Variants in COMMD4 observed in about 807,000 individuals in gnomAD.
The protein encoded by COMMD4 is COMM domain containing 4.
A neutral mutation model predicts 27.5 loss-of-function variants in COMMD4; 18 were observed. The ratio of observed to expected loss-of-function variants is 0.65; its 90% CI spans 0.45 to 0.97. The LOEUF is 0.97. Among genes scored for constraint, COMMD4 ranks in the 50% least tolerant of loss-of-function variants. The pLI is 0.00. For missense variants in COMMD4, 243 were observed against 250.0 expected (o/e 0.97, Z 0.19); for synonymous variants, 108 against 108.4 (o/e 1.00, Z 0.02).
rs143588533 is a variant in COMMD4 at position 75,338,221 on chromosome 15, C to T, written c.75+88C>T. On this transcript the variant is annotated intron_variant, in intron 2 of 7. Transcript: ENST00000267935. ...AGAGGATGGTGAGGTTTCTCTGGGG[C>T]TAGGGCCTCAGTGCTCTCAGCCTGT... 361,292 of 1,518,674 alleles carry T rather than the reference C, an allele frequency of 0.24. 47,261 individuals are homozygous for T. Among genetic ancestry groups the T allele is most frequent in the Non-Finnish European group, 0.27 (299,616 of 1,115,250 alleles). The allele number at this position is 1,518,674 out of a possible 1,614,324, so 94.1% of individuals were successfully genotyped here.
Position 75,337,923 on chromosome 15 carries a change from G to A in COMMD4, c.4-139G>A, listed in dbSNP as rs1393319906. On this transcript the variant is annotated intron_variant, in intron 1 of 7. Transcript: ENST00000267935. The stretch of plus-strand genomic sequence containing the variant: ...AGTTTACTCAACAGCCTGGTGATAG[G>A]GGAGAACAAGAGGCCAGAGGGTATC... 237 of 817,172 alleles carry A rather than the reference G, an allele frequency of 2.9e-4. No homozygotes were observed. In the East Asian group the frequency reaches 5.7e-3, roughly 20 times the overall value. The allele number at this position is 817,172 out of a possible 1,614,324, so 50.6% of individuals were successfully genotyped here.
In COMMD4 at chr15:75,338,609, G is replaced by A. The variant is rs559376150; in HGVS notation, c.142-37G>A. On this transcript the variant is annotated intron_variant, in intron 3 of 7. Coordinates refer to ENST00000267935, the MANE Select transcript of COMMD4 (RefSeq NM_017828.5). ...CTGGGGGTGAGGGGCTGGTGAGCAG[G>A]GGCCTGGCACCCCCTGAAGGTCTCC... 3.7e-6 allele frequency: 6 copies of A among 1,612,334 alleles called. No homozygotes were observed. The South Asian group carries it at 6.6e-5, about 18-fold the overall frequency.
chr15:75,338,169 G>T, intron 2 of COMMD4, 36 bp downstream of exon 2: 3 of 1,564,728 alleles, frequency 1.9e-6, no homozygotes, highest in Non-Finnish European at 2.6e-6. Flanking sequence ...GTGGAGGAGG[G>T]GTGTTGGGGG....
intron 6 of COMMD4, 82 bp downstream of exon 6, chr15:75,339,426 C>T (rs111381127): frequency 1.8e-5 from 28 of 1,552,452 alleles, no homozygotes; most frequent in Middle Eastern, 2.3e-4. Context: ...TCCAGGGAGA[C>T]GACTTAACCA....
At chr15:75,340,396 A>G (rs2071415614), downstream of COMMD4, 1 of 198,026 alleles carries the variant, frequency 5.0e-6, no homozygotes, top group African/African-American at 2.3e-5. Context: ...GAGGGAGGTC[A>G]TAGGTAAGGC....
downstream of COMMD4, chr15:75,343,188 A>ATTAT (rs1167977133): frequency 6.6e-6 from 1 of 152,212 alleles, no homozygotes; most frequent in Non-Finnish European, 1.5e-5. Context: ...TTATACAATT[A>ATTAT]TTATTTGTCA....
rs1381920554 is a variant in COMMD4, at chr15:75,338,694, C to T, written c.181+9C>T. ...GGCTGACGCCAAGTTTGGTGAGTAT[C>T]CCGCTGAGTCTATAGGCCCCAGGCA... is the stretch of plus-strand genomic sequence containing the variant. On this transcript the variant is annotated intron_variant, in intron 4 of 7. Transcript: ENST00000267935. 12 of 1,613,164 alleles carry T rather than the reference C, an allele frequency of 7.4e-6. 1 individual carries two copies. In the South Asian group the frequency reaches 1.2e-4, roughly 16 times the overall value.
chr15:75,339,747 G>T lies in COMMD4; in HGVS notation c.428G>T (p.Ser143Ile), dbSNP rs761181026. 1.2e-6 allele frequency: 2 copies of T among 1,612,734 alleles called. No individual in the cohort carries two copies. The highest frequency in any genetic ancestry group is 1.3e-5 in the African/African-American group (1 of 74,930). ...GGCTGGCGGGTGGACTACACCCTGA[G>T]CTCCAGCCTGCTGCAATCCGTGGAA... ...GVGWRVDYTL[S>I]SSLLQSVEEP... Residue 143 changes from serine to isoleucine, a missense_variant, in exon 7 of 8, where the codon AGC becomes ATC. By Grantham distance (142) the Ser-to-Ile change is moderately radical (BLOSUM62 -2). Coordinates refer to ENST00000267935, the MANE Select transcript of COMMD4 (RefSeq NM_017828.5).
chr15:75,336,484 A>C, intron 1 of COMMD4: 1 of 499,700 alleles, frequency 2.0e-6, no homozygotes, highest in Non-Finnish European at 3.5e-6. Flanking sequence ...AGGTGCTTAG[A>C]ATCAGGCTCA....
chr15:75,338,097 C>A lies in COMMD4; in HGVS notation c.39C>A (p.Asp13Glu). The A allele has an allele frequency of 6.2e-7, 1 of 1,608,882 alleles. No homozygotes were observed. Among genetic ancestry groups the A allele is most frequent in the Non-Finnish European group, 8.5e-7 (1 of 1,177,558 alleles). ...TCTGTGGTGATCTGGACTGTCCCGACTGGGTCCTGGCAGAAATCAGCACGC... is the reference window on the plus strand; with the variant it reads ...TCTGTGGTGATCTGGACTGTCCCGAATGGGTCCTGGCAGAAATCAGCACGC... ...FRFCGDLDCP[D>E]WVLAEISTLA... The change falls in exon 2 of 8, where the codon GAC (aspartate) becomes GAA (glutamate). Residue 13 changes from aspartate to glutamate, a missense_variant. Asp to Glu is a conservative substitution (Grantham distance 45, BLOSUM62 2). Coordinates refer to ENST00000267935, the MANE Select transcript of COMMD4 (RefSeq NM_017828.5).
chr15:75,339,759 T>A lies in COMMD4; in HGVS notation c.440T>A (p.Leu147Gln). 6.2e-7 allele frequency: 1 copy of A among 1,613,910 alleles called. No individual in the cohort carries two copies. The highest frequency in any genetic ancestry group is 8.5e-7 in the Non-Finnish European group (1 of 1,179,888). Reference protein sequence around the residue: ...RVDYTLSSSLLQSVEEPMVHL... With the variant: ...RVDYTLSSSLQQSVEEPMVHL... ...GACTACACCCTGAGCTCCAGCCTGC[T>A]GCAATCCGTGGAAGAGCCCATGGTG... Residue 147 changes from leucine to glutamine, a missense_variant, in exon 7 of 8, where the codon CTG becomes CAG. Leu to Gln is a moderately radical substitution (Grantham distance 113). Transcript: ENST00000267935.
At chr15:75,337,139 T>C (rs1469393497) in intron 1 of COMMD4, 1 of 152,292 alleles carries the variant, frequency 6.6e-6, no homozygotes, top group Non-Finnish European at 1.5e-5. Flanking sequence ...ATGCCTGTAA[T>C]CCTAGCACTT....
At chr15:75,339,489 T>C (rs535935519) in intron 6 of COMMD4, 145 bp downstream of exon 6, 1 of 1,329,976 alleles carries the variant, frequency 7.5e-7, no homozygotes, top group Non-Finnish European at 1.0e-6. Flanking sequence ...CTGGGTCTCC[T>C]GACTCCCCAC....
At chr15:75,336,133 C>G (rs1187463766) in intron 1 of COMMD4, 41 bp downstream of exon 1, 3 of 1,549,574 alleles carry the variant, frequency 1.9e-6, no homozygotes, top group Non-Finnish European at 2.6e-6. Flanking sequence ...GCTGCTGGAG[C>G]GGGAATGAGG....
In COMMD4 at chr15:75,340,262, A is replaced by C. The variant is rs948514599; in HGVS notation, c.*257A>C. 1.8e-6 allele frequency: 1 copy of C among 561,266 alleles called. No homozygotes were observed. Among genetic ancestry groups the C allele is most frequent in the Admixed American group, 3.0e-5 (1 of 33,106 alleles). 34.8% of individuals were successfully genotyped at this position (561,266 alleles called of 1,614,324 possible). ...TTCATAAGCAGGAAAAATAAACAGA[A>C]GTATAAAGGAATGTGTGCAGGGGGT... is the stretch of plus-strand genomic sequence containing the variant. On this transcript the variant is annotated 3_prime_UTR_variant, in exon 8 of 8. Coordinates refer to ENST00000267935, the MANE Select transcript of COMMD4 (RefSeq NM_017828.5).
intron 5 of COMMD4, 34 bp downstream of exon 5, chr15:75,339,138 T>TG (rs780416198): frequency 1.1e-5 from 18 of 1,612,620 alleles, no homozygotes; most frequent in Middle Eastern, 2.1e-4. Flanking sequence ...GGGCAGCCTG[T>TG]GGGCCAAGGG....
chr15:75,339,452 T>G, intron 6 of COMMD4, 108 bp downstream of exon 6: 1 of 1,479,440 alleles, frequency 6.8e-7, no homozygotes, highest in South Asian at 1.2e-5. Context: ...ACATGGTTAC[T>G]AGCAGCCGTA....
chr15:75,336,323 G>T, intron 1 of COMMD4: 1 of 1,398,904 alleles, frequency 7.1e-7, no homozygotes, highest in African/African-American at 1.4e-5. Flanking sequence ...TAGAGTCCCG[G>T]TGCTTCCCTG....
chr15:75,340,248 G>A lies in COMMD4; in HGVS notation c.*243G>A. 1 of 571,196 alleles carries A rather than the reference G, an allele frequency of 1.8e-6. No homozygotes were observed. The highest frequency in any genetic ancestry group is 3.1e-6 in the Non-Finnish European group (1 of 319,782). The allele number at this position is 571,196 out of a possible 1,614,324, so 35.4% of individuals were successfully genotyped here. The stretch of plus-strand genomic sequence containing the variant: ...AATTGTTGGCTGTTTTCATAAGCAG[G>A]AAAAATAAACAGAAGTATAAAGGAA... On this transcript the variant is annotated 3_prime_UTR_variant, in exon 8 of 8. Coordinates refer to ENST00000267935, the MANE Select transcript of COMMD4 (RefSeq NM_017828.5).
Sources: gnomAD v4.1 joint callset for allele counts on GRCh38, gnomAD v4.1.1 for gene constraint, MANE v1.5 for transcripts, NCBI Gene and HGNC (gene_info 2026-07-23, HGNC 2026-07-21) for gene names.